The following AOPEP variants were observed in gnomAD, a reference collection of about 807,000 sequenced individuals.
The protein encoded by AOPEP is aminopeptidase O (putative).
Under a neutral mutation model 98.1 loss-of-function variants are expected in AOPEP, and 77 were observed. The observed-to-expected ratio is 0.78, with a 90% CI of 0.65 to 0.95. The LOEUF is 0.95. AOPEP is among the 40% of genes least tolerant of loss of function. The pLI is 0.00. For synonymous variants in AOPEP, 346 were observed against 365.3 expected, an observed-to-expected ratio of 0.95 and a Z score of 0.60; for missense variants, 1,024 against 1,024.7, an observed-to-expected ratio of 1.00 and a Z score of 0.01.
chr9:94,993,849 A>G (rs568524481), intron 11 of AOPEP, among the ~76,000 whole-genome samples: 2 of 152,194 alleles, frequency 1.3e-5, no homozygotes, highest in Non-Finnish European at 1.5e-5. Flanking sequence ...GCCAAAGTCA[A>G]TACATCAGAA....
At chr9:94,997,253 A>C (rs1211037830) in intron 11 of AOPEP, among the ~76,000 whole-genome samples, 1 of 152,034 alleles carries the variant, frequency 6.6e-6, no homozygotes, top group East Asian at 1.9e-4. Flanking sequence ...TCTTGCCCAA[A>C]ATTTTATCCC....
At chr9:94,999,138 A>G (rs2061408105) in intron 11 of AOPEP, among the ~76,000 whole-genome samples, 1 of 148,876 alleles carries the variant, frequency 6.7e-6, no homozygotes, top group African/African-American at 2.5e-5. Flanking sequence ...AAAGGAAATT[A>G]AAAAAAAACA....
At chr9:95,016,716 G>T (rs371431763) in intron 13 of AOPEP, among the ~76,000 whole-genome samples, 2 of 148,406 alleles carry the variant, frequency 1.3e-5, no homozygotes, top group African/African-American at 4.9e-5. Context: ...GGATTCAAGT[G>T]ATCCTCCTGC....
At chr9:95,052,217 C>G (rs984735890) in intron 13 of AOPEP, among the ~76,000 whole-genome samples, 9 of 152,108 alleles carry the variant, frequency 5.9e-5, no homozygotes, top group African/African-American at 2.2e-4. Context: ...TCGTTTATTT[C>G]AATGTGATAA....
intron 5 of AOPEP, among the ~76,000 whole-genome samples, chr9:94,882,460 T>G (rs914192393): frequency 6.6e-6 from 1 of 152,236 alleles, no homozygotes. Context: ...GCCTCCCAAC[T>G]AAACAATCTT....
intron 2 of AOPEP, chr9:94,763,102 G>C (rs1001609449): frequency 2.2e-6 from 1 of 460,304 alleles, no homozygotes; most frequent in Non-Finnish European, 4.5e-6. Context: ...GCTGGGATGA[G>C]AAGCTCTTTA....
intron 11 of AOPEP, 143 bp from the exon 12 acceptor site, chr9:95,005,015 C>T (rs1020778995): frequency 3.0e-4 from 60 of 200,634 alleles, no homozygotes; most frequent in African/African-American, 1.4e-3. Flanking sequence ...CGGGCGGGCG[C>T]AGGGCGCGGG....
At chr9:94,901,098 T>G (rs1202851628) in intron 5 of AOPEP, among the ~76,000 whole-genome samples, 1 of 145,290 alleles carries the variant, frequency 6.9e-6, no homozygotes, top group Non-Finnish European at 1.5e-5. Flanking sequence ...GAAACATCAT[T>G]TCAGTAAGTG....
the AOPEP span, chr9:95,117,404 G>C: frequency 6.2e-7 from 1 of 1,610,672 alleles, no homozygotes; most frequent in Non-Finnish European, 8.5e-7. Flanking sequence ...CCACAGGATG[G>C]AAAATCCAAA....
chr9:94,798,899 C>T (rs1205702502), intron 4 of AOPEP, among the ~76,000 whole-genome samples: 1 of 152,198 alleles, frequency 6.6e-6, no homozygotes, highest in Admixed American at 6.5e-5. Flanking sequence ...CCAACAGGCA[C>T]CTTGACTCAC....
At chr9:94,887,448 A>G (rs118132766) in intron 5 of AOPEP, among the ~76,000 whole-genome samples, 2,312 of 152,296 alleles carry the variant, frequency 0.015, 30 homozygotes, top group Middle Eastern at 0.085. Flanking sequence ...TTGAGTTGGA[A>G]GTCCTGGTAT....
chr9:94,949,134 C>G (rs1037537525), intron 7 of AOPEP, among the ~76,000 whole-genome samples: 1 of 152,202 alleles, frequency 6.6e-6, no homozygotes, highest in African/African-American at 2.4e-5. Flanking sequence ...GACAATATAG[C>G]ACTCAGACCA....
chr9:95,027,528 A>T (rs1436649812), intron 13 of AOPEP, among the ~76,000 whole-genome samples: 1 of 152,186 alleles, frequency 6.6e-6, no homozygotes, highest in African/African-American at 2.4e-5. Context: ...TACTCAAACC[A>T]ATGTTTGTCA....
intron 5 of AOPEP, among the ~76,000 whole-genome samples, chr9:94,846,829 C>A (rs1335768501): frequency 6.6e-6 from 1 of 152,152 alleles, no homozygotes; most frequent in African/African-American, 2.4e-5. Context: ...AGGATCACTT[C>A]AGCCCAGAAG....
At chr9:94,990,487 T>C (rs2060824618) in intron 11 of AOPEP, among the ~76,000 whole-genome samples, 1 of 152,104 alleles carries the variant, frequency 6.6e-6, no homozygotes, top group South Asian at 2.1e-4. Context: ...AGCTCTAGAG[T>C]GTAAACCTTG....
intron 1 of AOPEP, among the ~76,000 whole-genome samples, chr9:94,743,175 AG>A (rs1372671102): frequency 9.9e-6 from 1 of 100,950 alleles, no homozygotes; most frequent in Non-Finnish European, 1.8e-5. Context: ...TAAAAGAAGA[AG>A]AAGAAGAAGA....
At chr9:95,089,076 G>C (rs927785197), downstream of AOPEP, among the ~76,000 whole-genome samples, 2 of 152,190 alleles carry the variant, frequency 1.3e-5, no homozygotes, top group Non-Finnish European at 1.5e-5. Context: ...AACTGCCCTC[G>C]CCGGCATCCT....
intron 14 of AOPEP, among the ~76,000 whole-genome samples, chr9:95,077,425 C>T (rs1227134689): frequency 2.0e-5 from 3 of 152,198 alleles, no homozygotes; most frequent in Non-Finnish European, 4.4e-5. Flanking sequence ...GGGTGGCTGG[C>T]GACCAGAAGA....
intron 6 of AOPEP, among the ~76,000 whole-genome samples, chr9:94,925,701 C>A (rs1014723077): frequency 6.6e-6 from 1 of 152,218 alleles, no homozygotes; most frequent in African/African-American, 2.4e-5. Context: ...GTGTCCCCTG[C>A]CACATGGAGT....
Sources: gnomAD v4.1 joint callset for allele counts (sites outside exome capture counted in the v4.1 genomes callset) on GRCh38, gnomAD v4.1.1 for gene constraint, MANE v1.5 for transcripts, NCBI Gene and HGNC (gene_info 2026-07-23, HGNC 2026-07-21) for gene names.